SLC38A11: variants seen among roughly 807,000 people sequenced by gnomAD.
SLC38A11 encodes the protein putative sodium-coupled neutral amino acid transporter 11.
Under a neutral mutation model 49.4 loss-of-function variants are expected in SLC38A11, and 51 were observed. That is an observed-to-expected ratio of 1.03 (90% CI 0.83 to 1.30). The LOEUF is 1.30. Ranked by LOEUF, SLC38A11 falls within the 50% of genes most tolerant of loss-of-function variation. The probability of loss-of-function intolerance (pLI) is 0.00; values close to 1 mark genes in which losing one functional copy is unlikely to be tolerated. For synonymous variants in SLC38A11, 203 were observed against 192.9 expected, an observed-to-expected ratio of 1.05 and a Z score of -0.43; for missense variants, 574 against 556.2, an observed-to-expected ratio of 1.03 and a Z score of -0.32.
At chr2:164,917,484 T>G (rs1056096952) in intron 7 of SLC38A11, among the ~76,000 whole-genome samples, 2 of 152,160 alleles carry the variant, frequency 1.3e-5, no homozygotes, top group Admixed American at 1.3e-4. Flanking sequence ...GAGTGGGAAC[T>G]ACTGCCACCT....
chr2:164,954,407 T>A (rs138370132), intron 2 of SLC38A11, among the ~76,000 whole-genome samples: 2,060 of 152,232 alleles, frequency 0.014, 17 homozygotes, highest in Middle Eastern at 0.027. Flanking sequence ...TGGAAGATGC[T>A]CTCAACTGTG....
intron 7 of SLC38A11, among the ~76,000 whole-genome samples, chr2:164,926,766 G>C (rs1012506837): frequency 6.7e-5 from 10 of 149,944 alleles, no homozygotes; most frequent in African/African-American, 2.5e-4. Flanking sequence ...CGCAAGGACA[G>C]AAAATCAAAC....
In SLC38A11 at chr2:164,898,213, G is replaced by A. The variant is rs955493516; in HGVS notation, c.*224C>T. The A allele has an allele frequency of 1.6e-5, 7 of 437,002 alleles. No individual in the cohort carries two copies. Among genetic ancestry groups the A allele is most frequent in the Admixed American group, 3.9e-5 (1 of 25,534 alleles). The allele number at this position is 437,002 out of a possible 1,614,324, so 27.1% of individuals were successfully genotyped here. A position where few individuals can be genotyped will look rare whatever the true frequency, so the allele number is the denominator to read the frequency against. On this transcript the variant is annotated 3_prime_UTR_variant, in exon 12 of 12. Coordinates refer to ENST00000685975, the MANE Select transcript of SLC38A11 (RefSeq NM_001351537.2). Reference sequence around the variant, plus strand: ...ACTCTCCCTTCTTCAATTAGCATTAGTGTAGTGCAGTCATTAGAACAAAAC... The same window carrying A: ...ACTCTCCCTTCTTCAATTAGCATTAATGTAGTGCAGTCATTAGAACAAAAC...
chr2:164,941,084 T>C (rs1687735155), intron 5 of SLC38A11, among the ~76,000 whole-genome samples: 1 of 152,026 alleles, frequency 6.6e-6, no homozygotes, highest in African/African-American at 2.4e-5. Context: ...GAGGATCCCA[T>C]TTGCATAAAG....
At chr2:164,934,180 C>T (rs1038085224) in intron 7 of SLC38A11, among the ~76,000 whole-genome samples, 8 of 151,940 alleles carry the variant, frequency 5.3e-5, no homozygotes, top group Admixed American at 2.0e-4. Context: ...CACTAAACTG[C>T]GAGCCCCTTA....
At chr2:164,949,385 G>A (rs1688367304) in intron 3 of SLC38A11, among the ~76,000 whole-genome samples, 1 of 152,032 alleles carries the variant, frequency 6.6e-6, no homozygotes, top group Non-Finnish European at 1.5e-5. Context: ...AGCTTCCTGA[G>A]TAGCTGAGAC....
intron 5 of SLC38A11, among the ~76,000 whole-genome samples, chr2:164,940,976 A>G (rs1332791308): frequency 6.6e-6 from 1 of 151,974 alleles, no homozygotes; most frequent in African/African-American, 2.4e-5. Flanking sequence ...ATCTATTTCT[A>G]TTTACCCTTT....
intron 10 of SLC38A11, 87 bp from the exon 11 acceptor site, chr2:164,908,858 T>C (rs1685206632): frequency 7.4e-7 from 1 of 1,356,086 alleles, no homozygotes; most frequent in South Asian, 1.6e-5. Context: ...TATTTAGGAA[T>C]ATATAAAATA....
chr2:164,901,047 A>G (rs941859112), intron 11 of SLC38A11, among the ~76,000 whole-genome samples: 1 of 152,086 alleles, frequency 6.6e-6, no homozygotes, highest in African/African-American at 2.4e-5. Context: ...CAGCATCATT[A>G]TTGAAGACTA....
intron 3 of SLC38A11, among the ~76,000 whole-genome samples, chr2:164,948,623 A>G (rs780757367): frequency 2.4e-4 from 37 of 152,134 alleles, no homozygotes; most frequent in Non-Finnish European, 4.9e-4. Context: ...TGAAGTCTCA[A>G]TTTTCTCCTC....
chr2:164,908,260 TA>T (rs1685154937), intron 11 of SLC38A11, among the ~76,000 whole-genome samples: 1 of 152,170 alleles, frequency 6.6e-6, no homozygotes, highest in Non-Finnish European at 1.5e-5. Flanking sequence ...TGTGTTATAG[TA>T]AATGAGATAT....
intron 5 of SLC38A11, among the ~76,000 whole-genome samples, chr2:164,940,241 T>G: frequency 6.9e-6 from 1 of 143,984 alleles, no homozygotes; most frequent in African/African-American, 2.5e-5. Context: ...TATATATATA[T>G]ATATATATAT....
chr2:164,914,422 C>G (rs1330326444), intron 9 of SLC38A11, among the ~76,000 whole-genome samples: 1 of 151,846 alleles, frequency 6.6e-6, no homozygotes, highest in East Asian at 1.9e-4. Flanking sequence ...AAGAAAAGGT[C>G]TGGTTTTAAG....
chr2:164,919,966 C>T (rs1300209941), intron 7 of SLC38A11, among the ~76,000 whole-genome samples: 1 of 151,990 alleles, frequency 6.6e-6, no homozygotes, highest in Non-Finnish European at 1.5e-5. Flanking sequence ...CTAGTGTACG[C>T]CCCCTGCCCA....
chr2:164,944,597 C>G lies in SLC38A11; in HGVS notation c.402G>C (p.Leu134Phe), dbSNP rs944388623. 1.5e-6 allele frequency: 2 copies of G among 1,345,254 alleles called. No homozygotes were observed. Among genetic ancestry groups the G allele is most frequent in the African/African-American group, 1.5e-5 (1 of 66,912 alleles). 83.3% of individuals were successfully genotyped at this position (1,345,254 alleles called of 1,614,324 possible). A position where few individuals can be genotyped will look rare whatever the true frequency, so the allele number is the denominator to read the frequency against. The change falls in exon 5 of 12, where the codon TTG becomes TTC. Residue 134 changes from leucine (L) to phenylalanine (F), a missense_variant. Leu to Phe is a conservative substitution (Grantham distance 22, BLOSUM62 0). Coordinates refer to ENST00000685975, the MANE Select transcript of SLC38A11 (RefSeq NM_001351537.2). ...CTGGGATTCTTTGAAAAACTTTGCT[C>G]AAAGTATCTCCAGCTATTATATTGT... Reference protein sequence around the residue: ...ISYNIIAGDTLSKVFQRIPGV... With the variant: ...ISYNIIAGDTFSKVFQRIPGV...
intron 7 of SLC38A11, among the ~76,000 whole-genome samples, chr2:164,925,143 A>C (rs1686481102): frequency 6.6e-6 from 1 of 152,206 alleles, no homozygotes; most frequent in Non-Finnish European, 1.5e-5. Context: ...TTGGGACACC[A>C]GTCTCTTTTA....
At chr2:164,905,229 T>C (rs1684914550) in intron 11 of SLC38A11, among the ~76,000 whole-genome samples, 1 of 152,126 alleles carries the variant, frequency 6.6e-6, no homozygotes, top group Non-Finnish European at 1.5e-5. Context: ...GCAATTCTCC[T>C]GTCTCAGCCT....
chr2:164,945,638 C>T lies in SLC38A11; in HGVS notation c.319G>A (p.Gly107Arg). 1 of 1,611,430 alleles carries T rather than the reference C, an allele frequency of 6.2e-7. No individual in the cohort carries two copies. Among genetic ancestry groups the T allele is most frequent in the Non-Finnish European group, 8.5e-7 (1 of 1,179,452 alleles). The change falls in exon 4 of 12, where the codon GGG becomes AGG. Residue 107 changes from glycine to arginine, a missense_variant. Gly to Arg is a moderately radical substitution (Grantham distance 125). Coordinates refer to ENST00000685975, the MANE Select transcript of SLC38A11 (RefSeq NM_001351537.2). Reference protein sequence around the residue: ...SLVNKTFGFPGYLLLSVLQFL... With the variant: ...SLVNKTFGFPRYLLLSVLQFL... ...TGAAGAACAGAGAGGAGCAGATACCCTGGAAAGCCGAAAGTTTTATTGACC... is the reference window on the plus strand; with the variant it reads ...TGAAGAACAGAGAGGAGCAGATACCTTGGAAAGCCGAAAGTTTTATTGACC...
chr2:164,939,882 A>C (rs1452476528), intron 5 of SLC38A11, among the ~76,000 whole-genome samples: 1 of 151,986 alleles, frequency 6.6e-6, no homozygotes, highest in Non-Finnish European at 1.5e-5. Flanking sequence ...CAGAAACTAC[A>C]GAATTCCTTT....
Sources: allele counts gnomAD v4.1 joint callset (sites outside exome capture counted in the v4.1 genomes callset), GRCh38; gene constraint gnomAD v4.1.1; transcripts MANE v1.5; gene names NCBI Gene and HGNC (gene_info 2026-07-23, HGNC 2026-07-21).